SIDT1: variants seen among roughly 807,000 people sequenced by gnomAD.
The protein encoded by SIDT1 is SID1 transmembrane family, member 1.
Under a neutral mutation model 107.5 loss-of-function variants are expected in SIDT1, and 101 were observed. That is an observed-to-expected ratio of 0.94 (90% CI 0.80 to 1.11). The LOEUF (loss-of-function observed/expected upper bound fraction) is 1.11, where lower values mean the gene tolerates loss of function less well. Ranked by LOEUF, SIDT1 falls within the 50% of genes least tolerant of loss-of-function variation. The probability of loss-of-function intolerance (pLI) is 0.00; values close to 1 mark genes in which losing one functional copy is unlikely to be tolerated. For synonymous variants in SIDT1, 395 were observed against 398.2 expected (o/e 0.99, Z 0.10); for missense variants, 1,076 against 1,058.2 (o/e 1.02, Z -0.23).
intron 1 of SIDT1, among the ~76,000 whole-genome samples, chr3:113,538,739 AG>A (rs1441731292): frequency 2.6e-5 from 4 of 152,184 alleles, no homozygotes; most frequent in African/African-American, 9.7e-5. Context: ...TCCTCCACAT[AG>A]CTTTGTTGGA....
intron 20 of SIDT1, among the ~76,000 whole-genome samples, chr3:113,616,450 C>T (rs1301409677): frequency 6.6e-6 from 1 of 152,060 alleles, no homozygotes; most frequent in Non-Finnish European, 1.5e-5. Context: ...GTGATGATTA[C>T]GGACACATGG....
At chr3:113,618,410 C>A (rs1415795170) in intron 20 of SIDT1, among the ~76,000 whole-genome samples, 6 of 152,118 alleles carry the variant, frequency 3.9e-5, no homozygotes, top group Non-Finnish European at 5.9e-5. Flanking sequence ...TTTGTGTGGA[C>A]GTAAGTTTTC....
chr3:113,549,825 C>T (rs947228472), intron 1 of SIDT1, among the ~76,000 whole-genome samples: 4 of 152,092 alleles, frequency 2.6e-5, no homozygotes, highest in Non-Finnish European at 5.9e-5. Flanking sequence ...AATCAAAAGT[C>T]ACCTCAATTT....
intron 1 of SIDT1, among the ~76,000 whole-genome samples, chr3:113,547,374 G>A (rs980274500): frequency 1.3e-5 from 2 of 152,072 alleles, no homozygotes; most frequent in Non-Finnish European, 2.9e-5. Flanking sequence ...AATTAAAGCT[G>A]AGTGTCATAC....
intron 1 of SIDT1, among the ~76,000 whole-genome samples, chr3:113,540,449 A>G (rs985372933): frequency 6.6e-6 from 1 of 152,202 alleles, no homozygotes; most frequent in Non-Finnish European, 1.5e-5. Context: ...CAATAAGATG[A>G]CTGGAAACAA....
intron 2 of SIDT1, 110 bp downstream of exon 2, chr3:113,566,651 C>A: frequency 7.9e-7 from 1 of 1,260,130 alleles, no homozygotes; most frequent in African/African-American, 1.5e-5. Flanking sequence ...TTTGGAATGT[C>A]AAGACATTCT....
intron 19 of SIDT1, among the ~76,000 whole-genome samples, chr3:113,612,817 G>C (rs912990898): frequency 6.6e-6 from 1 of 152,192 alleles, no homozygotes. Flanking sequence ...ATCATTTTAA[G>C]TTCCAGGAAG....
chr3:113,634,224 T>C (rs1947109954), downstream of SIDT1, among the ~76,000 whole-genome samples: 1 of 152,246 alleles, frequency 6.6e-6, no homozygotes. Context: ...AACCTCACTC[T>C]GCTAGAGGAC....
chr3:113,583,859 T>C (rs996253464), intron 7 of SIDT1, among the ~76,000 whole-genome samples: 3 of 152,208 alleles, frequency 2.0e-5, no homozygotes, highest in South Asian at 2.1e-4. Context: ...TGGTAACCAG[T>C]AGCCATGGAG....
intron 6 of SIDT1, among the ~76,000 whole-genome samples, chr3:113,582,654 C>T (rs968265163): frequency 6.6e-6 from 1 of 152,000 alleles, no homozygotes; most frequent in Non-Finnish European, 1.5e-5. Flanking sequence ...CTTTTGGGGC[C>T]TAACCTTTTG....
At chr3:113,606,749 G>A (rs548322742) in intron 14 of SIDT1, 25 of 282,014 alleles carry the variant, frequency 8.9e-5, no homozygotes, top group Middle Eastern at 1.1e-3. Context: ...GCATTCTTTC[G>A]TAGTCCTTTT....
In SIDT1 at chr3:113,533,115, C is replaced by A. The variant is rs61738949; in HGVS notation, c.94C>A (p.Pro32Thr). ...PGHPAKSPRQ[P>T]PAPRRDPFDA... ...GCACCCGGCGAAATCCCCCAGGCAG[C>A]CCCCGGCACCGCGCCGCGACCCCTT... The change falls in exon 1 of 25, where the codon CCC becomes ACC. Residue 32 changes from proline to threonine, a missense_variant. Physicochemically the swap from Pro to Thr is conservative, Grantham distance 38 (BLOSUM62 -1). Coordinates refer to ENST00000264852, the MANE Select transcript of SIDT1 (RefSeq NM_017699.3). 68,083 of 1,532,936 alleles carry A rather than the reference C, an allele frequency of 0.044. 1,931 individuals are homozygous for A. The highest frequency in any genetic ancestry group is 0.047 in the Non-Finnish European group (53,351 of 1,142,146). 95.0% of individuals were successfully genotyped at this position (1,532,936 alleles called of 1,614,324 possible).
chr3:113,584,504 T>G (rs925396699), intron 7 of SIDT1, among the ~76,000 whole-genome samples, 194 bp from the exon 8 acceptor site: 2 of 152,148 alleles, frequency 1.3e-5, no homozygotes, highest in African/African-American at 4.8e-5. Context: ...CTAATGCTAG[T>G]CTCCTTAACC....
chr3:113,629,763 G>A (rs1482947597), downstream of SIDT1, among the ~76,000 whole-genome samples: 1 of 152,166 alleles, frequency 6.6e-6, no homozygotes, highest in African/African-American at 2.4e-5. Context: ...TGGGGAAAGG[G>A]CCCTGGAGGA....
intron 1 of SIDT1, among the ~76,000 whole-genome samples, chr3:113,548,367 C>A (rs1939834806): frequency 6.6e-6 from 1 of 152,088 alleles, no homozygotes; most frequent in African/African-American, 2.4e-5. Context: ...TGAAAATAGT[C>A]TGTGTTCCAT....
At chr3:113,576,558 T>C (rs1420737326) in intron 3 of SIDT1, among the ~76,000 whole-genome samples, 1 of 152,154 alleles carries the variant, frequency 6.6e-6, no homozygotes, top group Admixed American at 6.5e-5. Context: ...TCCCCTCTCT[T>C]TCAGCCCACT....
At chr3:113,552,986 A>C (rs192398900) in intron 1 of SIDT1, among the ~76,000 whole-genome samples, 20 of 152,300 alleles carry the variant, frequency 1.3e-4, no homozygotes, top group Admixed American at 6.5e-5. Flanking sequence ...GGCGTTTGTT[A>C]GAAACAACTT....
At chr3:113,549,736 A>G (rs1426711566) in intron 1 of SIDT1, among the ~76,000 whole-genome samples, 1 of 152,118 alleles carries the variant, frequency 6.6e-6, no homozygotes, top group African/African-American at 2.4e-5. Context: ...CAGATCAGAT[A>G]TTTTTATTTT....
chr3:113,575,850 G>T (rs72950895), intron 3 of SIDT1, among the ~76,000 whole-genome samples: 8,956 of 152,256 alleles, frequency 0.059, 473 homozygotes, highest in African/African-American at 0.14. Flanking sequence ...GAGAGCCCCA[G>T]GGGGTGGAGC....
Sources: gnomAD v4.1 joint callset for allele counts (sites outside exome capture counted in the v4.1 genomes callset) on GRCh38, gnomAD v4.1.1 for gene constraint, MANE v1.5 for transcripts, NCBI Gene and HGNC (gene_info 2026-07-23, HGNC 2026-07-21) for gene names.